The following TMEM51 variants were observed in gnomAD, a reference collection of about 807,000 sequenced individuals.
TMEM51 encodes chromosome 1 open reading frame 72.
TMEM51 carries 8 observed loss-of-function variants against 13.6 expected under a neutral mutation model. The observed-to-expected ratio is 0.59, with a 90% CI of 0.35 to 1.07. The LOEUF (loss-of-function observed/expected upper bound fraction) is 1.07, where lower values mean the gene tolerates loss of function less well. TMEM51 is among the 50% of genes least tolerant of loss of function. TMEM51 has a pLI of 0.02. For synonymous variants in TMEM51, 147 were observed against 144.4 expected (o/e 1.02, Z -0.13); for missense variants, 279 against 330.7 (o/e 0.84, Z 1.21).
At chr1:15,153,563 A>G (rs1479543238), upstream of TMEM51, among the ~76,000 whole-genome samples, 1 of 151,940 alleles carries the variant, frequency 6.6e-6, no homozygotes. Context: ...CTCCAGCGGC[A>G]TACGCTGGGG....
At chr1:15,173,347 G>A (rs1304068464) in intron 1 of TMEM51, among the ~76,000 whole-genome samples, 1 of 151,288 alleles carries the variant, frequency 6.6e-6, no homozygotes, top group Non-Finnish European at 1.5e-5. Context: ...AGCCTTCCGA[G>A]TAGCTGGGAT....
intron 2 of TMEM51, among the ~76,000 whole-genome samples, chr1:15,211,286 C>T (rs1644334448): frequency 6.6e-6 from 1 of 152,166 alleles, no homozygotes; most frequent in Admixed American, 6.5e-5. Flanking sequence ...GCCAAGGATG[C>T]CCTGTGTATC....
At position 15,199,277 on chromosome 1, in the gene TMEM51, C is replaced by T. The variant is rs527267080; in HGVS notation, c.-266-11213C>T. ...CCTCCCGAGTAGCTGGGATTACAGG[C>T]GCACGCCACCATGCCTGGCTGATTT... On this transcript the variant is annotated intron_variant, in intron 1 of 3. Transcript: ENST00000376008. Among the ~76,000 whole-genome samples, 652 of 152,152 alleles carry T rather than the reference C, an allele frequency of 4.3e-3. 5 individuals are homozygous for T. The highest frequency in any genetic ancestry group is 7.3e-3 in the Non-Finnish European group (493 of 67,978).
chr1:15,206,144 G>A (rs941948191), intron 1 of TMEM51, among the ~76,000 whole-genome samples: 6 of 151,736 alleles, frequency 4.0e-5, no homozygotes, highest in Non-Finnish European at 7.4e-5. Flanking sequence ...GCCGAGGTGG[G>A]AGGATTGCTT....
chr1:15,154,924 G>T (rs1449053151), intron 1 of TMEM51, among the ~76,000 whole-genome samples: 1 of 152,148 alleles, frequency 6.6e-6, no homozygotes, highest in Admixed American at 6.5e-5. Flanking sequence ...GCAGGGACCC[G>T]AACCGGGAGG....
At chr1:15,194,196 G>A (rs1321288141) in intron 1 of TMEM51, among the ~76,000 whole-genome samples, 1 of 151,944 alleles carries the variant, frequency 6.6e-6, no homozygotes, top group African/African-American at 2.4e-5. Flanking sequence ...TAAATTTCCT[G>A]GTAACCACAC....
intron 1 of TMEM51, among the ~76,000 whole-genome samples, chr1:15,159,220 C>G (rs942717570): frequency 6.6e-6 from 1 of 151,986 alleles, no homozygotes; most frequent in Non-Finnish European, 1.5e-5. Context: ...GTTCGTCTAG[C>G]CTCCTCAATT....
intron 1 of TMEM51, among the ~76,000 whole-genome samples, chr1:15,193,575 CTTTTT>C (rs3078881): frequency 0.48 from 54,548 of 114,774 alleles, 12,152 homozygotes; most frequent in East Asian, 0.89. Flanking sequence ...TTCTTTCTTT[CTTTTT>C]TTTTTTTTTT....
chr1:15,219,300 C>A (rs1379733673), intron 3 of TMEM51, 26 bp from the exon 4 acceptor site: 2 of 1,555,314 alleles, frequency 1.3e-6, no homozygotes, highest in South Asian at 1.2e-5. Flanking sequence ...GGCTAACACT[C>A]TCCCTGTCTG....
At position 15,163,813 on chromosome 1, in the gene TMEM51, A is replaced by T. The variant is rs1642882614; in HGVS notation, c.-267+9859A>T. 2.7e-5 allele frequency among the ~76,000 whole-genome samples: 3 copies of T among 113,086 alleles called. No individual in the cohort carries two copies. The South Asian group carries it at 9.9e-4, about 37-fold the overall frequency. 74.2% of individuals were successfully genotyped at this position (113,086 alleles called of 152,430 possible). On this transcript the variant is annotated intron_variant, in intron 1 of 3. Transcript: ENST00000376008. Reference sequence around the variant, plus strand: ...TCTACCCTTCACCCAACTTCCCCTAATGTTGGCTTTTTTTGGGGGGGGGGA... The same window carrying T: ...TCTACCCTTCACCCAACTTCCCCTATTGTTGGCTTTTTTTGGGGGGGGGGA...
chr1:15,189,884 G>T (rs745570568), intron 1 of TMEM51, among the ~76,000 whole-genome samples: 2 of 152,254 alleles, frequency 1.3e-5, no homozygotes, highest in Non-Finnish European at 2.9e-5. Context: ...GATAGCAGGG[G>T]CTAACCCAAG....
chr1:15,206,057 C>T lies in TMEM51; in HGVS notation c.-266-4433C>T, dbSNP rs571081588. Among the ~76,000 whole-genome samples the T allele has an allele frequency of 8.5e-5, 13 of 152,142 alleles. 1 individual carries two copies. The South Asian group carries it at 2.3e-3, about 27-fold the overall frequency. ...ATCGAGACCAGCCTGGGCAACAGAG[C>T]GAGACCCTTTCTCTACAAAAGACGC... is the stretch of plus-strand genomic sequence containing the variant. On this transcript the variant is annotated intron_variant, in intron 1 of 3. Coordinates refer to ENST00000376008, the MANE Select transcript of TMEM51 (RefSeq NM_001136218.2).
chr1:15,203,123 G>A (rs1173706599), intron 1 of TMEM51, among the ~76,000 whole-genome samples: 3 of 152,200 alleles, frequency 2.0e-5, no homozygotes, highest in Admixed American at 2.0e-4. Context: ...TCCTGACTTA[G>A]AGCCTTGGCT....
rs550505541 is a variant in TMEM51 at position 15,173,689 on chromosome 1, AC to A, written c.-267+19736del. On this transcript the variant is annotated intron_variant, in intron 1 of 3. Transcript: ENST00000376008. ...ACAAACTCCATCTAAAAAAAAAAAA[AC>A]ACAAACAAAATTCATCTGTCAAAGA... Among the ~76,000 whole-genome samples the A allele has an allele frequency of 2.1e-4, 31 of 151,164 alleles. 1 individual carries two copies. The highest frequency in any genetic ancestry group is 7.5e-4 in the African/African-American group (31 of 41,400).
At chr1:15,152,681 C>T (rs1642435943), upstream of TMEM51, 9 of 152,260 alleles carry the variant, frequency 5.9e-5, no homozygotes, top group Admixed American at 5.9e-4. Flanking sequence ...TGTTTAGCAT[C>T]CACGTTTTTT....
chr1:15,210,989 T>C (rs993038882), intron 2 of TMEM51, among the ~76,000 whole-genome samples: 2 of 152,150 alleles, frequency 1.3e-5, no homozygotes, highest in African/African-American at 4.8e-5. Context: ...ACGCCACCGT[T>C]GCACACATAA....
chr1:15,168,375 G>A, intron 1 of TMEM51: 1 of 1,124,308 alleles, frequency 8.9e-7, no homozygotes, highest in Non-Finnish European at 1.1e-6. Context: ...GGGAAGAAAA[G>A]AAGGAAGGAA....
chr1:15,202,630 CT>C (rs1411773214), intron 1 of TMEM51, among the ~76,000 whole-genome samples: 2 of 152,150 alleles, frequency 1.3e-5, no homozygotes, highest in Admixed American at 1.3e-4. Context: ...CTCCTGCTTC[CT>C]CCTTTGACCT....
chr1:15,169,834 C>T (rs150285937), intron 1 of TMEM51, among the ~76,000 whole-genome samples: 186 of 152,242 alleles, frequency 1.2e-3, no homozygotes, highest in Middle Eastern at 6.8e-3. Flanking sequence ...TTCCCTAATA[C>T]GCAAAGAATA....
Sources: allele counts gnomAD v4.1 joint callset (sites outside exome capture counted in the v4.1 genomes callset), GRCh38; gene constraint gnomAD v4.1.1; transcripts MANE v1.5; gene names NCBI Gene and HGNC (gene_info 2026-07-23, HGNC 2026-07-21).